The following SMCHD1 variants were observed in gnomAD, a reference collection of about 807,000 sequenced individuals.
The protein encoded by SMCHD1 is structural maintenance of chromosomes flexible hinge domain-containing protein 1.
A neutral mutation model predicts 254.7 loss-of-function variants in SMCHD1; 78 were observed. That is an observed-to-expected ratio of 0.31 (90% CI 0.26 to 0.37). The LOEUF (loss-of-function observed/expected upper bound fraction) is 0.37, where lower values mean the gene tolerates loss of function less well. Ranked by LOEUF, SMCHD1 falls within the 10% of genes least tolerant of loss-of-function variation. SMCHD1 has a pLI of 1.00. For missense variants in SMCHD1, 1,840 were observed against 2,408.1 expected (o/e 0.76, Z 4.94); for synonymous variants, 766 against 794.9 (o/e 0.96, Z 0.61).
chr18:2,664,549 TA>T lies in SMCHD1; in HGVS notation c.187-1605del, dbSNP rs1401289164. ...TTGTTTTATCTCCGTATGTATTCTG[TA>T]AACTAAAAGTTAGCTTTAAAGGCTT... On this transcript the variant is annotated intron_variant, in intron 1 of 47. Transcript: ENST00000320876. 3.3e-5 allele frequency among the ~76,000 whole-genome samples: 5 copies of T among 152,334 alleles called. No homozygotes were observed. In the East Asian group the frequency reaches 7.7e-4, roughly 23 times the overall value.
intron 7 of SMCHD1, among the ~76,000 whole-genome samples, chr18:2,690,554 C>T (rs934299641): frequency 2.7e-5 from 4 of 149,558 alleles, no homozygotes; most frequent in African/African-American, 7.3e-5. Flanking sequence ...TCACTGCAAC[C>T]TCTGCCTCCC....
chr18:2,701,056 A>G (rs2074388177), intron 12 of SMCHD1, 138 bp downstream of exon 12: 3 of 588,152 alleles, frequency 5.1e-6, no homozygotes, highest in Non-Finnish European at 5.5e-6. Flanking sequence ...TGAGCAGTCA[A>G]GTGTTCACAT....
chr18:2,780,463 A>G (rs1017813069), intron 44 of SMCHD1, among the ~76,000 whole-genome samples: 3 of 152,094 alleles, frequency 2.0e-5, no homozygotes, highest in African/African-American at 7.2e-5. Flanking sequence ...GCATTTTTAT[A>G]TATCCCGAAT....
chr18:2,688,943 T>C lies in SMCHD1; in HGVS notation c.873+196T>C, dbSNP rs1270870. Among the ~76,000 whole-genome samples the C allele has an allele frequency of 0.82, 123,998 of 152,108 alleles. 54,433 individuals are homozygous for C. The highest frequency in any genetic ancestry group is 1 in the East Asian group (5,178 of 5,182). On this transcript the variant is annotated intron_variant, in intron 7 of 47. Coordinates refer to ENST00000320876, the MANE Select transcript of SMCHD1 (RefSeq NM_015295.3). ...GCTTACTAAGCTTTCTGTAAATTGC[T>C]TGTAGGATTGTAAGCTTTTTTCCCT...
chr18:2,675,809 A>G (rs560689867), intron 5 of SMCHD1, among the ~76,000 whole-genome samples: 27 of 152,332 alleles, frequency 1.8e-4, no homozygotes, highest in Admixed American at 7.8e-4. Context: ...AACTGAATTC[A>G]TGGGACATTG....
At chr18:2,730,972 C>T (rs1200936055) in intron 24 of SMCHD1, among the ~76,000 whole-genome samples, 1 of 152,214 alleles carries the variant, frequency 6.6e-6, no homozygotes, top group Non-Finnish European at 1.5e-5. Context: ...GCAAGAGCAG[C>T]AGGCATTAGG....
At chr18:2,682,485 A>G (rs994293250) in intron 5 of SMCHD1, among the ~76,000 whole-genome samples, 49 of 151,926 alleles carry the variant, frequency 3.2e-4, no homozygotes, top group African/African-American at 1.2e-3. Flanking sequence ...ACCACTCCTG[A>G]AAAATTTTGT....
rs375376651 is a variant in SMCHD1 at position 2,697,996 on chromosome 18, T to C, written c.1297T>C (p.Leu433=). The change falls in exon 10 of 48, where the codon TTA becomes CTA. Residue 433 remains leucine, a synonymous_variant. Coordinates refer to ENST00000320876, the MANE Select transcript of SMCHD1 (RefSeq NM_015295.3). Reference sequence around the variant, plus strand: ...AGGGATTATCCGTTATCATCCATTCTTATATGATAGAGAAACTTACCCTGA... The same window carrying C: ...AGGGATTATCCGTTATCATCCATTCCTATATGATAGAGAAACTTACCCTGA... ...VEGIIRYHPF[L]YDRETYPDDP... is the part of the protein sequence containing the mutation. 1.1e-4 allele frequency: 171 copies of C among 1,613,508 alleles called. No individual in the cohort carries two copies. The highest frequency in any genetic ancestry group is 8.3e-4 in the Middle Eastern group (5 of 6,058).
At chr18:2,780,945 A>G (rs2076147906) in intron 44 of SMCHD1, among the ~76,000 whole-genome samples, 1 of 152,260 alleles carries the variant, frequency 6.6e-6, no homozygotes, top group Non-Finnish European at 1.5e-5. Context: ...ATGTATCTTA[A>G]TGAACTGGCA....
Position 2,784,988 on chromosome 18 carries a change from G to C in SMCHD1, c.5719+367G>C, listed in dbSNP as rs368544743. 6.0e-5 allele frequency: 21 copies of C among 349,946 alleles called. No homozygotes were observed. In the East Asian group the frequency reaches 1.7e-3, roughly 29 times the overall value. The allele number at this position is 349,946 out of a possible 1,614,324, so 21.7% of individuals were successfully genotyped here. ...AGAAATTTCTGTCATTATTGAATAA[G>C]TCAGTATTTTATTACATAATCATAA... On this transcript the variant is annotated intron_variant, in intron 45 of 47. Transcript: ENST00000320876.
intron 41 of SMCHD1, among the ~76,000 whole-genome samples, chr18:2,775,159 G>C (rs934013204): frequency 7.7e-6 from 1 of 130,024 alleles, no homozygotes; most frequent in Admixed American, 9.6e-5. Context: ...GCTCACTGCA[G>C]CCTCTACCTC....
intron 2 of SMCHD1, among the ~76,000 whole-genome samples, chr18:2,666,443 T>TG: frequency 6.6e-6 from 1 of 152,380 alleles, no homozygotes; most frequent in African/African-American, 2.4e-5. Flanking sequence ...ATATCAGTTA[T>TG]GGCTACAGAA....
Position 2,666,967 on chromosome 18 carries a change from C to T in SMCHD1, c.360C>T (p.His120=). The change falls in exon 3 of 48, where the codon CAC becomes CAT. Residue 120 remains histidine, a synonymous_variant. Coordinates refer to ENST00000320876, the MANE Select transcript of SMCHD1 (RefSeq NM_015295.3). The part of the protein sequence containing the change: ...ATKERIDFLP[H]YDTLVKSGMY... ...AAGAACGAATTGACTTCTTACCTCA[C>T]TATGACACACTGGTTAAAAGTGGCA... 6.2e-7 allele frequency: 1 copy of T among 1,609,786 alleles called. No homozygotes were observed. Among genetic ancestry groups the T allele is most frequent in the African/African-American group, 1.3e-5 (1 of 74,980 alleles).
intron 1 of SMCHD1, among the ~76,000 whole-genome samples, chr18:2,665,196 A>T (rs556105354): frequency 1.3e-5 from 2 of 152,254 alleles, no homozygotes; most frequent in South Asian, 4.1e-4. Context: ...TTTTTTGATT[A>T]ATGTGATTTT....
intron 35 of SMCHD1, among the ~76,000 whole-genome samples, chr18:2,761,694 T>C (rs1208338012): frequency 2.0e-5 from 3 of 152,070 alleles, no homozygotes; most frequent in Non-Finnish European, 2.9e-5. Context: ...GGCGCACACC[T>C]GTAGTCCCAG....
Position 2,740,840 on chromosome 18 carries a change from C to A in SMCHD1, c.3633+19C>A, listed in dbSNP as rs761918173. The A allele has an allele frequency of 1.4e-6, 2 of 1,465,398 alleles. No individual in the cohort carries two copies. Among genetic ancestry groups the A allele is most frequent in the Non-Finnish European group, 1.9e-6 (2 of 1,055,048 alleles). The allele number at this position is 1,465,398 out of a possible 1,614,324, so 90.8% of individuals were successfully genotyped here. A position where few individuals can be genotyped will look rare whatever the true frequency, so the allele number is the denominator to read the frequency against. ...CTTTCAGGTATGGCTACTTTCTATA[C>A]CATTTTGGTTTGATTTATTCATTGT... is the stretch of plus-strand genomic sequence containing the variant. On this transcript the variant is annotated intron_variant, in intron 28 of 47. Transcript: ENST00000320876.
At chr18:2,793,413 C>T (rs908910794) in intron 45 of SMCHD1, among the ~76,000 whole-genome samples, 1 of 152,052 alleles carries the variant, frequency 6.6e-6, no homozygotes, top group African/African-American at 2.4e-5. Context: ...CCTGTAATCC[C>T]AGCACTTTGG....
intron 28 of SMCHD1, 27 bp from the exon 29 acceptor site, chr18:2,743,734 C>T: frequency 1.3e-6 from 2 of 1,553,810 alleles, no homozygotes; most frequent in Middle Eastern, 1.7e-4. Flanking sequence ...TACCCCCTGT[C>T]TTTCTCAATG....
intron 29 of SMCHD1, among the ~76,000 whole-genome samples, chr18:2,744,958 C>T (rs964965502): frequency 6.6e-6 from 1 of 152,204 alleles, no homozygotes; most frequent in Non-Finnish European, 1.5e-5. Context: ...ATTATCCTGC[C>T]TCAGCCTCCC....
Sources: allele counts gnomAD v4.1 joint callset (sites outside exome capture counted in the v4.1 genomes callset), GRCh38; gene constraint gnomAD v4.1.1; transcripts MANE v1.5; gene names NCBI Gene and HGNC (gene_info 2026-07-23, HGNC 2026-07-21).